SND1: variants seen among roughly 807,000 people sequenced by gnomAD.
The protein encoded by SND1 is staphylococcal nuclease and tudor domain containing 1.
In SND1, 38 loss-of-function variants were observed where a neutral mutation model predicts 121.7. The ratio of observed to expected loss-of-function variants is 0.31; its 90% CI spans 0.24 to 0.41. The LOEUF is 0.41. Among genes scored for constraint, SND1 ranks in the 10% least tolerant of loss-of-function variants. The pLI is 1.00. For synonymous variants in SND1, 401 were observed against 447.4 expected (o/e 0.90, Z 1.31); for missense variants, 868 against 1,184.6 (o/e 0.73, Z 3.92).
intron 12 of SND1, among the ~76,000 whole-genome samples, chr7:127,883,891 A>G (rs1584640084): frequency 6.6e-6 from 1 of 152,100 alleles, no homozygotes; most frequent in African/African-American, 2.4e-5. Flanking sequence ...TCATTTATTG[A>G]TGATGGTAGT....
chr7:127,925,884 C>T (rs1488169789), intron 14 of SND1, among the ~76,000 whole-genome samples: 2 of 151,616 alleles, frequency 1.3e-5, no homozygotes, highest in African/African-American at 2.4e-5. Context: ...CGTGAGCCAT[C>T]GCGCCCGGCC....
chr7:127,717,344 C>A (rs530022174), intron 9 of SND1, among the ~76,000 whole-genome samples: 4 of 152,216 alleles, frequency 2.6e-5, no homozygotes, highest in African/African-American at 4.8e-5. Flanking sequence ...TTTGGATATG[C>A]CAGTGTCTCA....
At chr7:127,917,753 T>C (rs1015210295) in intron 14 of SND1, among the ~76,000 whole-genome samples, 1 of 152,194 alleles carries the variant, frequency 6.6e-6, no homozygotes, top group Non-Finnish European at 1.5e-5. Context: ...AGAAACAGGC[T>C]ACTTAGTTTG....
At chr7:127,714,870 A>G (rs1272723568) in intron 9 of SND1, among the ~76,000 whole-genome samples, 1 of 152,142 alleles carries the variant, frequency 6.6e-6, no homozygotes, top group Non-Finnish European at 1.5e-5. Context: ...ATGTGTATAC[A>G]TTTTGCTTAC....
chr7:127,963,385 C>T (rs1384583335), intron 15 of SND1, among the ~76,000 whole-genome samples: 2 of 143,468 alleles, frequency 1.4e-5, no homozygotes, highest in East Asian at 4.2e-4. Flanking sequence ...GGTATATCTC[C>T]CAATGCTATC....
intron 15 of SND1, among the ~76,000 whole-genome samples, chr7:127,970,733 T>C (rs961994029): frequency 6.6e-6 from 1 of 152,174 alleles, no homozygotes; most frequent in Non-Finnish European, 1.5e-5. Context: ...TCTTGCCTGA[T>C]TGAGTTTGTA....
intron 9 of SND1, among the ~76,000 whole-genome samples, chr7:127,718,134 T>C (rs1170994416): frequency 6.6e-6 from 1 of 152,170 alleles, no homozygotes; most frequent in African/African-American, 2.4e-5. Context: ...ATGTAGACTT[T>C]TGCTCCTATG....
chr7:128,088,486 T>G (rs928671832), intron 21 of SND1, among the ~76,000 whole-genome samples: 2 of 145,928 alleles, frequency 1.4e-5, no homozygotes, highest in African/African-American at 5.1e-5. Flanking sequence ...GAATTCTTGC[T>G]TTGTCACCCA....
chr7:128,081,709 G>A (rs1268291092), intron 18 of SND1, among the ~76,000 whole-genome samples: 1 of 152,310 alleles, frequency 6.6e-6, no homozygotes, highest in East Asian at 1.9e-4. Flanking sequence ...CTTCACATGA[G>A]CCCTGGCTTG....
chr7:127,884,792 C>T (rs754880469), intron 12 of SND1, among the ~76,000 whole-genome samples: 1 of 152,100 alleles, frequency 6.6e-6, no homozygotes, highest in African/African-American at 2.4e-5. Flanking sequence ...ACCAACATAC[C>T]ATGAGTTCAC....
intron 10 of SND1, among the ~76,000 whole-genome samples, chr7:127,747,230 G>A (rs904127699): frequency 1.3e-5 from 2 of 152,144 alleles, no homozygotes; most frequent in Non-Finnish European, 2.9e-5. Context: ...TTATAGAGAC[G>A]CTGGTGTGCC....
At chr7:127,858,478 C>T in intron 12 of SND1, 1 of 599,586 alleles carries the variant, frequency 1.7e-6, no homozygotes, top group Non-Finnish European at 3.0e-6. Context: ...GGCGTGGGGT[C>T]TCATTTCTAG....
intron 16 of SND1, among the ~76,000 whole-genome samples, chr7:128,073,534 A>C (rs1035256649): frequency 1.3e-5 from 2 of 152,134 alleles, no homozygotes; most frequent in South Asian, 4.1e-4. Flanking sequence ...CATCCCTTCT[A>C]ACCTTCTGTC....
chr7:128,081,814 G>T (rs770891023), intron 18 of SND1: 1 of 580,634 alleles, frequency 1.7e-6, no homozygotes, highest in Non-Finnish European at 3.5e-6. Flanking sequence ...TTAGGTGATT[G>T]TTTGTTCCTA....
chr7:127,903,742 C>T lies in SND1; in HGVS notation c.1455-1005C>T, dbSNP rs185345655. Among the ~76,000 whole-genome samples, 5 of 152,290 alleles carry T rather than the reference C, an allele frequency of 3.3e-5. No individual in the cohort carries two copies. In the East Asian group the frequency reaches 9.7e-4, roughly 29 times the overall value. On this transcript the variant is annotated intron_variant, in intron 13 of 23. Transcript: ENST00000354725. Reference sequence around the variant, plus strand: ...AGAAGTGTGTCCTCTACCTCTGCTCCTTGAGTGAGTTCCTGAAAGGGAAGA... The same window carrying T: ...AGAAGTGTGTCCTCTACCTCTGCTCTTTGAGTGAGTTCCTGAAAGGGAAGA...
At chr7:127,779,105 C>A (rs1797671932) in intron 10 of SND1, among the ~76,000 whole-genome samples, 1 of 152,154 alleles carries the variant, frequency 6.6e-6, no homozygotes, top group African/African-American at 2.4e-5. Context: ...ATTTTCTATG[C>A]AAAAACCCTT....
At chr7:127,708,031 T>C (rs1367369511) in intron 9 of SND1, among the ~76,000 whole-genome samples, 1 of 152,156 alleles carries the variant, frequency 6.6e-6, no homozygotes, top group East Asian at 1.9e-4. Context: ...GTGAAAGCAA[T>C]AGATACTCAG....
At chr7:128,017,067 C>T (rs1303331247) in intron 16 of SND1, among the ~76,000 whole-genome samples, 1 of 152,224 alleles carries the variant, frequency 6.6e-6, no homozygotes, top group Admixed American at 6.5e-5. Context: ...GGCAGATACA[C>T]TACCACCCCC....
intron 10 of SND1, among the ~76,000 whole-genome samples, chr7:127,792,170 T>C (rs1797920279): frequency 1.3e-5 from 2 of 152,252 alleles, no homozygotes. Flanking sequence ...TCACATATTT[T>C]AACTGTGGAA....
Sources: gnomAD v4.1 joint callset for allele counts (sites outside exome capture counted in the v4.1 genomes callset) on GRCh38, gnomAD v4.1.1 for gene constraint, MANE v1.5 for transcripts, NCBI Gene and HGNC (gene_info 2026-07-23, HGNC 2026-07-21) for gene names.